The following SKAP1 variants were observed in gnomAD, a reference collection of about 807,000 sequenced individuals.
The protein encoded by SKAP1 is src kinase associated phosphoprotein 1.
In SKAP1, 44 loss-of-function variants were observed where a neutral mutation model predicts 58.5. That is an observed-to-expected ratio of 0.75 (90% CI 0.59 to 0.97). SKAP1 has a LOEUF of 0.97. Ranked by LOEUF, SKAP1 falls within the 50% of genes least tolerant of loss-of-function variation. The probability of loss-of-function intolerance (pLI) is 0.00; values close to 1 mark genes in which losing one functional copy is unlikely to be tolerated. For missense variants in SKAP1, 390 were observed against 435.2 expected (o/e 0.90, Z 0.92); for synonymous variants, 127 against 149.7 (o/e 0.85, Z 1.11).
intron 4 of SKAP1, among the ~76,000 whole-genome samples, chr17:48,221,068 A>G (rs1284208033): frequency 6.6e-6 from 1 of 152,050 alleles, no homozygotes; most frequent in East Asian, 1.9e-4. Flanking sequence ...GGACTTCCAG[A>G]CCAGACTGAC....
chr17:48,316,721 A>T (rs954483694), intron 4 of SKAP1, among the ~76,000 whole-genome samples: 3 of 152,186 alleles, frequency 2.0e-5, no homozygotes, highest in African/African-American at 4.8e-5. Context: ...CAATTGGCAG[A>T]CATTCCACCT....
intron 4 of SKAP1, among the ~76,000 whole-genome samples, chr17:48,314,185 C>G (rs567694133): frequency 2.4e-4 from 37 of 152,156 alleles, no homozygotes; most frequent in Non-Finnish European, 4.1e-4. Flanking sequence ...GTTCTCACTT[C>G]TTTATGTCAT....
chr17:48,440,790 C>A, the SKAP1 span, among the ~76,000 whole-genome samples: 1 of 152,212 alleles, frequency 6.6e-6, no homozygotes, highest in Non-Finnish European at 1.5e-5. Context: ...AGAGGCTCAG[C>A]AGGACTTCCC....
chr17:48,321,969 G>A (rs2066373961), intron 4 of SKAP1, among the ~76,000 whole-genome samples: 1 of 152,136 alleles, frequency 6.6e-6, no homozygotes, highest in Non-Finnish European at 1.5e-5. Flanking sequence ...TCCTACCTGT[G>A]CAGCCTATGG....
At chr17:48,220,036 C>T (rs895941764) in intron 4 of SKAP1, among the ~76,000 whole-genome samples, 1 of 152,206 alleles carries the variant, frequency 6.6e-6, no homozygotes, top group Non-Finnish European at 1.5e-5. Context: ...AATTAAGAAA[C>T]ACTGACAATA....
chr17:48,444,333 T>C, the SKAP1 span, among the ~76,000 whole-genome samples: 1 of 152,114 alleles, frequency 6.6e-6, no homozygotes, highest in Non-Finnish European at 1.5e-5. Context: ...GAGGTTGCAA[T>C]GAGCCCAGAT....
intron 4 of SKAP1, among the ~76,000 whole-genome samples, chr17:48,194,328 A>C (rs992732929): frequency 3.3e-5 from 5 of 152,204 alleles, no homozygotes; most frequent in Non-Finnish European, 7.3e-5. Context: ...AAAAGCAATA[A>C]AAAACGACAG....
chr17:48,328,373 T>C (rs758885676), intron 4 of SKAP1, among the ~76,000 whole-genome samples: 74 of 152,338 alleles, frequency 4.9e-4, no homozygotes, highest in Admixed American at 2.1e-3. Flanking sequence ...GATATGACAC[T>C]GACTTGAAAC....
chr17:48,225,225 G>A (rs948265321), intron 4 of SKAP1, among the ~76,000 whole-genome samples: 1 of 152,140 alleles, frequency 6.6e-6, no homozygotes, highest in Admixed American at 6.5e-5. Flanking sequence ...GTCCCATAGA[G>A]GCTCCCTGTA....
intron 9 of SKAP1, 46 bp from the exon 10 acceptor site, chr17:48,170,705 T>C: frequency 1.4e-6 from 2 of 1,461,246 alleles, no homozygotes; most frequent in Non-Finnish European, 1.9e-6. Context: ...GTTCACAGTC[T>C]CATGTTCTTT....
chr17:48,347,669 A>G (rs1308785070), intron 3 of SKAP1, among the ~76,000 whole-genome samples: 1 of 152,248 alleles, frequency 6.6e-6, no homozygotes, highest in Non-Finnish European at 1.5e-5. Flanking sequence ...ACTCTCTTTT[A>G]TTAGTTTACT....
rs763923970 is a variant in SKAP1 at position 48,259,875 on chromosome 17, CA to C, written c.281-70376del. Among the ~76,000 whole-genome samples the C allele has an allele frequency of 1.0e-3, 156 of 152,248 alleles. 3 individuals are homozygous for C. The highest frequency in any genetic ancestry group is 4.4e-3 in the South Asian group (21 of 4,826). ...GAAAAGCCAGGTGCATGTAAATTTC[CA>C]AACTGCAAGTAGGTGGCAGTGGAGA... On this transcript the variant is annotated intron_variant, in intron 4 of 12. Coordinates refer to ENST00000336915, the MANE Select transcript of SKAP1 (RefSeq NM_003726.4).
At position 48,302,199 on chromosome 17, in the gene SKAP1, A is replaced by C. The variant is rs112918595; in HGVS notation, c.280+43706T>G. On this transcript the variant is annotated intron_variant, in intron 4 of 12. Transcript: ENST00000336915. The stretch of plus-strand genomic sequence containing the variant: ...ATTTGATAGCCTATATTTCTTGAGC[A>C]TTTTCCCAGAAAGTGCTTCAGGTGG... Among the ~76,000 whole-genome samples, 614 of 152,270 alleles carry C rather than the reference A, an allele frequency of 4.0e-3. 7 individuals carry two copies. Among genetic ancestry groups the C allele is most frequent in the African/African-American group, 0.014 (588 of 41,550 alleles).
intron 9 of SKAP1, among the ~76,000 whole-genome samples, chr17:48,179,601 T>C (rs944421506): frequency 1.3e-5 from 2 of 152,234 alleles, no homozygotes; most frequent in Non-Finnish European, 1.5e-5. Context: ...CAAGGTTTGG[T>C]CTATCAAGGT....
At chr17:48,438,878 G>A in the SKAP1 span, among the ~76,000 whole-genome samples, 1 of 152,192 alleles carries the variant, frequency 6.6e-6, no homozygotes, top group Non-Finnish European at 1.5e-5. Context: ...TGGGGAGTGT[G>A]TGGGAGGGTT....
intron 3 of SKAP1, among the ~76,000 whole-genome samples, chr17:48,353,969 AAAG>A (rs375700888): frequency 2.1e-4 from 31 of 148,822 alleles, no homozygotes; most frequent in East Asian, 1.2e-3. Context: ...AGAGGAAGAA[AAAG>A]AAGAAGAAGA....
At chr17:48,162,629 G>T in intron 10 of SKAP1, 60 bp from the exon 11 acceptor site, 1 of 1,284,276 alleles carries the variant, frequency 7.8e-7, no homozygotes, top group Non-Finnish European at 1.1e-6. Context: ...AGGTACCCAT[G>T]TTTTTGCTGC....
chr17:48,228,254 T>G (rs6504113), intron 4 of SKAP1, among the ~76,000 whole-genome samples: 126,401 of 152,078 alleles, frequency 0.83, 52,594 homozygotes, highest in East Asian at 0.95. Context: ...AATACACCAA[T>G]AAAAAGTCTG....
At chr17:48,388,042 T>C (rs368049067) in intron 2 of SKAP1, among the ~76,000 whole-genome samples, 3 of 152,196 alleles carry the variant, frequency 2.0e-5, no homozygotes, top group Non-Finnish European at 4.4e-5. Flanking sequence ...TTAAAAACCA[T>C]ATCCCATATG....
Sources: allele counts gnomAD v4.1 joint callset (sites outside exome capture counted in the v4.1 genomes callset), GRCh38; gene constraint gnomAD v4.1.1; transcripts MANE v1.5; gene names NCBI Gene and HGNC (gene_info 2026-07-23, HGNC 2026-07-21).